The following SCML4 variants were observed in gnomAD, a reference collection of about 807,000 sequenced individuals.
The protein encoded by SCML4 is Scm polycomb group protein like 4.
A neutral mutation model predicts 41.1 loss-of-function variants in SCML4; 34 were observed. That is an observed-to-expected ratio of 0.83 (90% CI 0.63 to 1.10). The LOEUF (loss-of-function observed/expected upper bound fraction) is 1.10. Among genes scored for constraint, SCML4 ranks in the 50% least tolerant of loss-of-function variants. SCML4 has a pLI of 0.00. For synonymous variants in SCML4, 214 were observed against 220.9 expected, an observed-to-expected ratio of 0.97 and a Z score of 0.28; for missense variants, 522 against 534.1, an observed-to-expected ratio of 0.98 and a Z score of 0.22.
At chr6:107,793,293 A>C (rs1782476282) in intron 1 of SCML4, among the ~76,000 whole-genome samples, 1 of 152,222 alleles carries the variant, frequency 6.6e-6, no homozygotes, top group African/African-American at 2.4e-5. Flanking sequence ...GCAGTAATTA[A>C]TGTTCTTTGT....
At chr6:107,732,627 CT>C (rs1418967966) in intron 5 of SCML4, among the ~76,000 whole-genome samples, 1 of 152,132 alleles carries the variant, frequency 6.6e-6, no homozygotes, top group Non-Finnish European at 1.5e-5. Context: ...CCAAAGTCAT[CT>C]GTTTGGGATA....
the SCML4 span, among the ~76,000 whole-genome samples, chr6:107,837,756 G>A: frequency 6.6e-5 from 10 of 152,162 alleles, no homozygotes; most frequent in East Asian, 1.7e-3. Flanking sequence ...CCCTAGGAGT[G>A]CCATAACCCT....
intron 1 of SCML4, among the ~76,000 whole-genome samples, chr6:107,777,147 C>T (rs1485362887): frequency 1.3e-5 from 2 of 152,156 alleles, no homozygotes; most frequent in East Asian, 3.9e-4. Context: ...GAGATGGAGT[C>T]TTGCTGTGTT....
chr6:107,713,198 C>T (rs567316134), intron 6 of SCML4, among the ~76,000 whole-genome samples: 10 of 152,312 alleles, frequency 6.6e-5, no homozygotes, highest in African/African-American at 1.9e-4. Context: ...CACATCCATA[C>T]GTACATAATT....
chr6:107,716,952 G>A (rs1014447973), intron 6 of SCML4, among the ~76,000 whole-genome samples: 3 of 151,910 alleles, frequency 2.0e-5, no homozygotes, highest in African/African-American at 4.8e-5. Context: ...TGGCTGACTG[G>A]CTGTTTCTGG....
chr6:107,834,334 C>G, the SCML4 span, among the ~76,000 whole-genome samples: 2 of 152,316 alleles, frequency 1.3e-5, no homozygotes, highest in East Asian at 3.9e-4. Flanking sequence ...ATAGGCACAG[C>G]TGAGGGGAGA....
chr6:107,732,207 TTC>T (rs1262540933), intron 5 of SCML4: 6 of 152,298 alleles, frequency 3.9e-5, no homozygotes, highest in African/African-American at 1.4e-4. Flanking sequence ...CCGCCCCTTG[TTC>T]TTGCAGATAA....
chr6:107,841,020 A>G, the SCML4 span, among the ~76,000 whole-genome samples: 9 of 152,144 alleles, frequency 5.9e-5, no homozygotes, highest in African/African-American at 2.2e-4. Context: ...TTGTGATGAT[A>G]TCAGAGAAAC....
the SCML4 span, among the ~76,000 whole-genome samples, chr6:107,839,797 GC>G: frequency 6.6e-6 from 1 of 152,090 alleles, no homozygotes; most frequent in African/African-American, 2.4e-5. Context: ...TTCCTATGCT[GC>G]CCAGGCTTGT....
chr6:107,779,350 AG>A (rs1460948089), intron 1 of SCML4, among the ~76,000 whole-genome samples: 2 of 152,116 alleles, frequency 1.3e-5, no homozygotes, highest in African/African-American at 4.8e-5. Flanking sequence ...TCTTTTAGTA[AG>A]GTTGGGAAGG....
At position 107,803,459 on chromosome 6, in the gene SCML4, G is replaced by C. The variant is rs1341744068; in HGVS notation, c.-60+20667C>G. 4.7e-3 allele frequency among the ~76,000 whole-genome samples: 528 copies of C among 112,960 alleles called. 2 individuals are homozygous for C. The highest frequency in any genetic ancestry group is 5.4e-3 in the Middle Eastern group (1 of 186). The allele number at this position is 112,960 out of a possible 152,430, so 74.1% of individuals were successfully genotyped here. On this transcript the variant is annotated intron_variant, in intron 1 of 7. Transcript: ENST00000369020. Reference sequence around the variant, plus strand: ...CAGCCCCCCGCCCGGCCAGCCGCCCGGTCCGGGAGGTGAGGGGCGCCTCTG... The same window carrying C: ...CAGCCCCCCGCCCGGCCAGCCGCCCCGTCCGGGAGGTGAGGGGCGCCTCTG...
chr6:107,830,551 C>A, the SCML4 span, among the ~76,000 whole-genome samples: 31 of 152,288 alleles, frequency 2.0e-4, no homozygotes, highest in African/African-American at 6.7e-4. Context: ...GTCTTCTCCA[C>A]TATAACCCCA....
intron 5 of SCML4, among the ~76,000 whole-genome samples, chr6:107,744,268 A>G (rs1777856079): frequency 6.6e-6 from 1 of 152,176 alleles, no homozygotes. Context: ...TTGGGTAGAC[A>G]ACACTGTGTC....
intron 7 of SCML4, 103 bp from the exon 8 acceptor site, chr6:107,705,428 T>G (rs1329233521): frequency 9.4e-7 from 1 of 1,063,128 alleles, no homozygotes; most frequent in Non-Finnish European, 1.4e-6. Context: ...TCAGGGCATA[T>G]GGATTGATTT....
chr6:107,745,787 T>A (rs1778020476), intron 4 of SCML4: 1 of 152,196 alleles, frequency 6.6e-6, no homozygotes, highest in African/African-American at 2.4e-5. Context: ...CTCAGGAGTT[T>A]GAGACCAGCC....
At chr6:107,795,561 C>T (rs1782643776) in intron 1 of SCML4, among the ~76,000 whole-genome samples, 1 of 152,002 alleles carries the variant, frequency 6.6e-6, no homozygotes, top group African/African-American at 2.4e-5. Context: ...GGAGTCTTGC[C>T]CTGTCTCCCA....
chr6:107,834,327 G>A, the SCML4 span, among the ~76,000 whole-genome samples: 2 of 152,176 alleles, frequency 1.3e-5, no homozygotes, highest in African/African-American at 4.8e-5. Flanking sequence ...CAAGGACATA[G>A]GCACAGCTGA....
chr6:107,780,381 A>G (rs931727737), intron 1 of SCML4, among the ~76,000 whole-genome samples: 130 of 152,184 alleles, frequency 8.5e-4, no homozygotes, highest in African/African-American at 2.9e-3. Context: ...CTTAGCGTCA[A>G]ATTTTTCCCT....
At chr6:107,706,234 T>G (rs542433502) in intron 7 of SCML4, among the ~76,000 whole-genome samples, 1 of 152,280 alleles carries the variant, frequency 6.6e-6, no homozygotes, top group Admixed American at 6.5e-5. Flanking sequence ...TGTGGGCCAC[T>G]CCCAGGAGCC....
Sources: gnomAD v4.1 joint callset for allele counts (sites outside exome capture counted in the v4.1 genomes callset) on GRCh38, gnomAD v4.1.1 for gene constraint, MANE v1.5 for transcripts, NCBI Gene and HGNC (gene_info 2026-07-23, HGNC 2026-07-21) for gene names.